PLEKHA5: variants seen among roughly 807,000 people sequenced by gnomAD.
PLEKHA5 encodes the protein pleckstrin homology domain containing A5.
In PLEKHA5, 55 loss-of-function variants were observed where a neutral mutation model predicts 181.9. That is an observed-to-expected ratio of 0.30 (90% CI 0.24 to 0.38). The LOEUF is 0.38. Among genes scored for constraint, PLEKHA5 ranks in the 10% least tolerant of loss-of-function variants. The probability of loss-of-function intolerance (pLI) is 1.00; values close to 1 mark genes in which losing one functional copy is unlikely to be tolerated. For synonymous variants in PLEKHA5, 535 were observed against 529.4 expected, an observed-to-expected ratio of 1.01 and a Z score of -0.15; for missense variants, 1,432 against 1,549.5, an observed-to-expected ratio of 0.92 and a Z score of 1.27.
Position 19,348,409 on chromosome 12 carries a change from A to G in PLEKHA5, c.2909A>G (p.Tyr970Cys). 1.9e-6 allele frequency: 3 copies of G among 1,581,212 alleles called. No individual in the cohort carries two copies. The highest frequency in any genetic ancestry group is 2.6e-6 in the Non-Finnish European group (3 of 1,168,164). ...TGTCTTCCTTTCAAGGGTCCAGATT[A>G]TAGACTCTACAAGAGTGAACCAGAG... is the stretch of plus-strand genomic sequence containing the variant. ...PRNGSHCGPD[Y>C]RLYKSEPELT... Residue 970 changes from tyrosine (Y) to cysteine (C), a missense_variant, in exon 25 of 32, where the codon TAT (tyrosine) becomes TGT (cysteine). This residue lies in a region of PLEKHA5 where 1,143 missense variants were observed against 1,168.4 expected (regional missense o/e 0.98). Coordinates refer to ENST00000429027, the MANE Select transcript of PLEKHA5 (RefSeq NM_001256470.2).
intron 3 of PLEKHA5, among the ~76,000 whole-genome samples, chr12:19,133,954 A>G (rs1485577111): frequency 6.6e-6 from 1 of 152,024 alleles, no homozygotes; most frequent in African/African-American, 2.4e-5. Flanking sequence ...TGTGAAGAAA[A>G]ACAGTTTTTT....
At chr12:19,311,600 C>A (rs2068653365) in intron 15 of PLEKHA5, among the ~76,000 whole-genome samples, 1 of 152,142 alleles carries the variant, frequency 6.6e-6, no homozygotes. Flanking sequence ...AAACTACTTT[C>A]TTTGCTCATC....
At chr12:19,180,921 C>T (rs1447947754) in intron 3 of PLEKHA5, among the ~76,000 whole-genome samples, 1 of 151,618 alleles carries the variant, frequency 6.6e-6, no homozygotes, top group South Asian at 2.1e-4. Context: ...AGTCAGACAC[C>T]TCTGGTGTGG....
chr12:19,132,017 C>T (rs2034040806), intron 2 of PLEKHA5, among the ~76,000 whole-genome samples: 1 of 152,112 alleles, frequency 6.6e-6, no homozygotes, highest in Non-Finnish European at 1.5e-5. Context: ...ACACAATATA[C>T]CCAAGAAGAG....
chr12:19,278,487 T>C (rs1484734501), intron 11 of PLEKHA5, among the ~76,000 whole-genome samples: 3 of 152,150 alleles, frequency 2.0e-5, no homozygotes, highest in Non-Finnish European at 4.4e-5. Flanking sequence ...ATCTCTAGCT[T>C]TTTGCATATT....
chr12:19,273,064 G>GC (rs11374935), intron 10 of PLEKHA5, among the ~76,000 whole-genome samples: 131,028 of 151,940 alleles, frequency 0.86, 57,992 homozygotes, highest in Middle Eastern at 0.98. Flanking sequence ...CCTCCACCAA[G>GC]CCAGCTAATT....
At chr12:19,219,223 G>A (rs566471434) in intron 3 of PLEKHA5, among the ~76,000 whole-genome samples, 1 of 152,240 alleles carries the variant, frequency 6.6e-6, no homozygotes, top group Non-Finnish European at 1.5e-5. Context: ...TTACACGGGG[G>A]TGATGATTTG....
intron 15 of PLEKHA5, among the ~76,000 whole-genome samples, chr12:19,300,640 A>C (rs537870106): frequency 6.6e-6 from 1 of 152,314 alleles, no homozygotes; most frequent in African/African-American, 2.4e-5. Flanking sequence ...CAAAACTTGG[A>C]AGGAAATGAG....
chr12:19,194,709 A>AT lies in PLEKHA5; in HGVS notation c.228-59230dup, dbSNP rs1421068953. Among the ~76,000 whole-genome samples, 19 of 152,352 alleles carry AT rather than the reference A, an allele frequency of 1.2e-4. 1 individual carries two copies. The highest frequency in any genetic ancestry group is 4.6e-4 in the African/African-American group (19 of 41,584). ...ACAAATTGAATATTGAAATTTCTGC[A>AT]TAAGAGGCACAGATTTTAGGATTCA... On this transcript the variant is annotated intron_variant, in intron 3 of 31. Coordinates refer to ENST00000429027, the MANE Select transcript of PLEKHA5 (RefSeq NM_001256470.2).
Position 19,195,681 on chromosome 12 carries a change from A to G in PLEKHA5, c.228-58259A>G, listed in dbSNP as rs1401279205. Among the ~76,000 whole-genome samples the G allele has an allele frequency of 6.1e-5, 8 of 130,960 alleles. No individual in the cohort carries two copies. In the East Asian group the frequency reaches 1.9e-3, roughly 31 times the overall value. The allele number at this position is 130,960 out of a possible 152,430, so 85.9% of individuals were successfully genotyped here. A position where few individuals can be genotyped will look rare whatever the true frequency, so the allele number is the denominator to read the frequency against. ...GAGAGAGACCCTGTCTCAAAAAAAA[A>G]AAAAAAAAAAAAAAAGTGAAAGTAG... is the stretch of plus-strand genomic sequence containing the variant. On this transcript the variant is annotated intron_variant, in intron 3 of 31. Transcript: ENST00000429027.
At chr12:19,292,491 G>A (rs1433201764) in intron 15 of PLEKHA5, among the ~76,000 whole-genome samples, 1 of 152,214 alleles carries the variant, frequency 6.6e-6, no homozygotes, top group Non-Finnish European at 1.5e-5. Context: ...GAGGTGATTT[G>A]CAGTTGCCTG....
At chr12:19,236,027 T>C (rs1005447106) in intron 3 of PLEKHA5, among the ~76,000 whole-genome samples, 1 of 152,140 alleles carries the variant, frequency 6.6e-6, no homozygotes, top group African/African-American at 2.4e-5. Context: ...CACAAAGATA[T>C]CTGAGCAGTC....
chr12:19,211,635 A>C (rs2056924187), intron 3 of PLEKHA5, among the ~76,000 whole-genome samples: 1 of 152,212 alleles, frequency 6.6e-6, no homozygotes, highest in African/African-American at 2.4e-5. Context: ...AGTCAATAGA[A>C]GATATCAAAT....
intron 3 of PLEKHA5, among the ~76,000 whole-genome samples, chr12:19,157,843 C>A (rs1339603014): frequency 2.6e-5 from 4 of 151,988 alleles, no homozygotes; most frequent in Non-Finnish European, 5.9e-5. Context: ...ACAATATAAA[C>A]AATAGGTCAT....
chr12:19,244,465 A>C (rs1189055457), intron 3 of PLEKHA5, among the ~76,000 whole-genome samples: 1 of 152,236 alleles, frequency 6.6e-6, no homozygotes, highest in African/African-American at 2.4e-5. Flanking sequence ...GTCTAACATT[A>C]TTGTGGATGT....
intron 26 of PLEKHA5, among the ~76,000 whole-genome samples, chr12:19,357,254 C>CTTT (rs5796799): frequency 1.0e-5 from 1 of 96,128 alleles, no homozygotes; most frequent in Non-Finnish European, 2.3e-5. Flanking sequence ...TCTTTATATT[C>CTTT]TTTTTTTTTT....
At chr12:19,363,336 T>G (rs141006274) in intron 29 of PLEKHA5, among the ~76,000 whole-genome samples, 5 of 151,440 alleles carry the variant, frequency 3.3e-5, no homozygotes, top group African/African-American at 1.2e-4. Flanking sequence ...TTTTTTATTT[T>G]TTTTTTTATT....
intron 11 of PLEKHA5, among the ~76,000 whole-genome samples, chr12:19,282,742 C>G (rs2076445502): frequency 6.6e-6 from 1 of 152,118 alleles, no homozygotes; most frequent in South Asian, 2.1e-4. Flanking sequence ...AATACTCTTT[C>G]ATCTTTAAAT....
chr12:19,291,689 G>T lies in PLEKHA5; in HGVS notation c.2029G>T (p.Asp677Tyr), dbSNP rs1412035026. The stretch of plus-strand genomic sequence containing the variant: ...TCTCCAAAGGAACACCATATATTTG[G>T]ATCATCAGGTGGGATTCATAGAGAT... ...HHLQRNTIYL[D>Y]HQMKENEPII... The change falls in exon 15 of 32, where the codon GAT (aspartate) becomes TAT (tyrosine). Residue 677 changes from aspartate to tyrosine, a missense_variant. This residue lies in a region of PLEKHA5 where 1,143 missense variants were observed against 1,168.4 expected (regional missense o/e 0.98). Coordinates refer to ENST00000429027, the MANE Select transcript of PLEKHA5 (RefSeq NM_001256470.2). The T allele has an allele frequency of 2.0e-6, 3 of 1,500,672 alleles. No homozygotes were observed. The highest frequency in any genetic ancestry group is 2.7e-6 in the Non-Finnish European group (3 of 1,117,154). 93.0% of individuals were successfully genotyped at this position (1,500,672 alleles called of 1,614,324 possible).
Sources: gnomAD v4.1 joint callset for allele counts (sites outside exome capture counted in the v4.1 genomes callset) on GRCh38, gnomAD v4.1.1 for gene constraint, gnomAD v4.1.1 regional missense constraint, MANE v1.5 for transcripts, NCBI Gene and HGNC (gene_info 2026-07-23, HGNC 2026-07-21) for gene names.